The following GPC6 variants were observed in gnomAD, a reference collection of about 807,000 sequenced individuals.
GPC6 encodes the protein glypican 6.
In GPC6, 14 loss-of-function variants were observed where a neutral mutation model predicts 55.2. The observed-to-expected ratio is 0.25, with a 90% CI of 0.17 to 0.40. The LOEUF (loss-of-function observed/expected upper bound fraction) is 0.40. Ranked by LOEUF, GPC6 falls within the 10% of genes least tolerant of loss-of-function variation. The pLI, the probability that GPC6 is intolerant of heterozygous loss-of-function variation, is 1.00. For missense variants in GPC6, 641 were observed against 708.5 expected (o/e 0.90, Z 1.08); for synonymous variants, 278 against 259.6 (o/e 1.07, Z -0.68).
chr13:94,192,543 C>T (rs971131765), intron 4 of GPC6, among the ~76,000 whole-genome samples: 3 of 152,144 alleles, frequency 2.0e-5, no homozygotes, highest in African/African-American at 7.2e-5. Flanking sequence ...AGTCAACGTG[C>T]CAGTAAAATA....
chr13:94,064,161 CA>C (rs1248500413), intron 4 of GPC6, among the ~76,000 whole-genome samples: 2 of 152,138 alleles, frequency 1.3e-5, no homozygotes, highest in African/African-American at 4.8e-5. Context: ...ACGTTTATGA[CA>C]TATGTAAATG....
intron 2 of GPC6, among the ~76,000 whole-genome samples, chr13:93,742,502 T>C (rs1466544897): frequency 1.3e-5 from 2 of 152,206 alleles, no homozygotes; most frequent in Non-Finnish European, 2.9e-5. Flanking sequence ...CAAGTATCTC[T>C]TGATAGCCTT....
chr13:93,918,740 A>G (rs1216116036), intron 3 of GPC6, among the ~76,000 whole-genome samples: 2 of 152,176 alleles, frequency 1.3e-5, no homozygotes, highest in Non-Finnish European at 2.9e-5. Flanking sequence ...GAATCTGGAC[A>G]CCATCTCCAT....
chr13:94,307,863 T>C (rs1876031388), intron 6 of GPC6, among the ~76,000 whole-genome samples: 1 of 152,164 alleles, frequency 6.6e-6, no homozygotes, highest in Non-Finnish European at 1.5e-5. Context: ...TCTAACTTAG[T>C]TATTGGAACA....
chr13:94,000,210 G>T (rs1369518759), intron 3 of GPC6, among the ~76,000 whole-genome samples: 2 of 152,138 alleles, frequency 1.3e-5, no homozygotes, highest in African/African-American at 4.8e-5. Context: ...TCCATGAACT[G>T]AGAGATCCCA....
At chr13:93,362,282 T>G (rs996873045) in intron 1 of GPC6, among the ~76,000 whole-genome samples, 1 of 152,138 alleles carries the variant, frequency 6.6e-6, no homozygotes, top group Non-Finnish European at 1.5e-5. Flanking sequence ...TCTTCCAAGG[T>G]CTCTCCAGCA....
At chr13:94,102,191 A>G (rs1594737563) in intron 4 of GPC6, among the ~76,000 whole-genome samples, 1 of 152,074 alleles carries the variant, frequency 6.6e-6, no homozygotes, top group African/African-American at 2.4e-5. Flanking sequence ...CTTTTCTGGT[A>G]ATTTTAAGTC....
intron 2 of GPC6, among the ~76,000 whole-genome samples, chr13:93,794,814 A>C (rs1886150353): frequency 6.6e-6 from 1 of 152,236 alleles, no homozygotes; most frequent in Admixed American, 6.5e-5. Flanking sequence ...AGATTCACTC[A>C]GTAAATGTGA....
chr13:93,702,751 C>G (rs1882716002), intron 2 of GPC6, among the ~76,000 whole-genome samples: 1 of 151,960 alleles, frequency 6.6e-6, no homozygotes, highest in Non-Finnish European at 1.5e-5. Context: ...AGCTTCTTTC[C>G]CTCAACCTAT....
At chr13:94,358,712 G>A (rs1878917776) in intron 6 of GPC6, among the ~76,000 whole-genome samples, 1 of 152,140 alleles carries the variant, frequency 6.6e-6, no homozygotes, top group African/African-American at 2.4e-5. Context: ...GAACACCTTG[G>A]CATGGTGACC....
chr13:94,376,946 G>A (rs1334342879), intron 6 of GPC6, among the ~76,000 whole-genome samples: 2 of 151,698 alleles, frequency 1.3e-5, no homozygotes, highest in Non-Finnish European at 2.9e-5. Flanking sequence ...ACAAGCAATG[G>A]GGAAAGGATT....
intron 6 of GPC6, among the ~76,000 whole-genome samples, chr13:94,307,580 T>C (rs865851474): frequency 3.3e-5 from 5 of 152,210 alleles, no homozygotes; most frequent in Non-Finnish European, 7.3e-5. Context: ...CCCAAAGTGC[T>C]GGGATTACAG....
chr13:93,381,389 A>C (rs16948740), intron 1 of GPC6, among the ~76,000 whole-genome samples: 3,405 of 152,200 alleles, frequency 0.022, 120 homozygotes, highest in African/African-American at 0.078. Flanking sequence ...TACACTTTCA[A>C]AAAAAAGGGA....
chr13:94,211,832 A>G (rs1263411571), intron 4 of GPC6, among the ~76,000 whole-genome samples: 1 of 152,210 alleles, frequency 6.6e-6, no homozygotes, highest in Non-Finnish European at 1.5e-5. Context: ...AGCAATTTAC[A>G]ATGGGGAGAA....
chr13:93,310,400 G>A (rs1266607850), intron 1 of GPC6, among the ~76,000 whole-genome samples: 1 of 152,114 alleles, frequency 6.6e-6, no homozygotes, highest in African/African-American at 2.4e-5. Flanking sequence ...CCTCTGCCAG[G>A]TCCATCTCCG....
chr13:94,048,052 T>C (rs1331396992), intron 4 of GPC6, among the ~76,000 whole-genome samples: 1 of 151,640 alleles, frequency 6.6e-6, no homozygotes, highest in African/African-American at 2.4e-5. Context: ...TAACTCATGG[T>C]AAAAATTCCA....
At chr13:93,864,825 C>CAG (rs1478269230) in intron 3 of GPC6, among the ~76,000 whole-genome samples, 17 of 151,712 alleles carry the variant, frequency 1.1e-4, no homozygotes, top group Non-Finnish European at 2.4e-4. Context: ...ACTCTAACCA[C>CAG]TGTACCACAG....
chr13:94,265,982 C>T (rs939302726), intron 4 of GPC6, among the ~76,000 whole-genome samples: 3 of 152,130 alleles, frequency 2.0e-5, no homozygotes, highest in African/African-American at 7.2e-5. Context: ...TAGAGCCCAA[C>T]TGTCTTCTCT....
chr13:93,912,568 C>A (rs1003630379), intron 3 of GPC6, among the ~76,000 whole-genome samples: 1 of 151,978 alleles, frequency 6.6e-6, no homozygotes, highest in Non-Finnish European at 1.5e-5. Context: ...ACGGTGAAAC[C>A]CCATCTCTAC....
Sources: gnomAD v4.1 joint callset for allele counts (sites outside exome capture counted in the v4.1 genomes callset) on GRCh38, gnomAD v4.1.1 for gene constraint, MANE v1.5 for transcripts, NCBI Gene and HGNC (gene_info 2026-07-23, HGNC 2026-07-21) for gene names.